Variants in NYAP2 observed in about 807,000 individuals in gnomAD.
NYAP2 encodes neuronal tyrosine-phosphorylated phosphoinositide-3-kinase adaptor 2, also known as neuronal tyrosine-phosphorylated phosphoinositide-3-kinase adapter 2.
In NYAP2, 23 loss-of-function variants were observed where a neutral mutation model predicts 50.4. The ratio of observed to expected loss-of-function variants is 0.46; its 90% CI spans 0.33 to 0.65. The LOEUF (loss-of-function observed/expected upper bound fraction) is 0.65, where lower values mean the gene tolerates loss of function less well. Ranked by LOEUF, NYAP2 falls within the 30% of genes least tolerant of loss-of-function variation. The pLI is 0.02. For synonymous variants in NYAP2, 394 were observed against 365.2 expected (o/e 1.08, Z -0.90); for missense variants, 885 against 861.0 (o/e 1.03, Z -0.35).
chr2:225,471,781 G>A (rs553666404), intron 3 of NYAP2, among the ~76,000 whole-genome samples: 22 of 152,306 alleles, frequency 1.4e-4, no homozygotes, highest in African/African-American at 5.3e-4. Context: ...AATGTGCACA[G>A]CAAATGGCAA....
the NYAP2 span, among the ~76,000 whole-genome samples, chr2:225,675,901 TTAAACA>T: frequency 6.6e-6 from 1 of 152,170 alleles, no homozygotes; most frequent in Non-Finnish European, 1.5e-5. Flanking sequence ...ATTAGCGATC[TTAAACA>T]TTTTTGTATA....
chr2:225,657,103 T>G (rs908075598), downstream of NYAP2, among the ~76,000 whole-genome samples: 3 of 50,268 alleles, frequency 6.0e-5, no homozygotes, highest in Non-Finnish European at 1.2e-4. Context: ...ATCTAATTCC[T>G]TTTTTTTTTT....
At chr2:225,513,746 A>G in intron 4 of NYAP2, 74 bp downstream of exon 4, 6 of 1,229,724 alleles carry the variant, frequency 4.9e-6, no homozygotes, top group Non-Finnish European at 5.4e-6. Context: ...GCCCAGGGGC[A>G]AGTGCCTTCT....
intron 3 of NYAP2, among the ~76,000 whole-genome samples, chr2:225,460,439 GAT>G (rs914186453): frequency 3.3e-5 from 5 of 152,138 alleles, no homozygotes; most frequent in Non-Finnish European, 5.9e-5. Context: ...CACATTTGGT[GAT>G]ATGTTTATTG....
chr2:225,532,459 T>C (rs921273378), intron 4 of NYAP2, among the ~76,000 whole-genome samples: 1 of 152,196 alleles, frequency 6.6e-6, no homozygotes, highest in African/African-American at 2.4e-5. Context: ...TTTTACAATT[T>C]ATTTTTAGCT....
the NYAP2 span, among the ~76,000 whole-genome samples, chr2:225,678,343 T>C: frequency 6.6e-6 from 1 of 152,184 alleles, no homozygotes; most frequent in African/African-American, 2.4e-5. Flanking sequence ...TCTATCAATT[T>C]ATTTATTCTT....
chr2:225,529,351 C>T (rs1157476901), intron 4 of NYAP2, among the ~76,000 whole-genome samples: 1 of 152,052 alleles, frequency 6.6e-6, no homozygotes, highest in East Asian at 1.9e-4. Flanking sequence ...GAGATAGAGT[C>T]TCTCTCTTGT....
intron 6 of NYAP2, among the ~76,000 whole-genome samples, chr2:225,627,363 A>G (rs1693228923): frequency 6.6e-6 from 1 of 152,218 alleles, no homozygotes; most frequent in Non-Finnish European, 1.5e-5. Context: ...GAGCTATGCA[A>G]GATAGCAGCC....
rs752905382 is a variant in NYAP2, at chr2:225,582,077, G to T, written c.660G>T (p.Thr220=). Reference sequence around the variant, plus strand: ...TCAAAAAGCATGGGCCCCGGAGGACGTCGCTGCCGCGGGACTCCTCCTTGT... The same window carrying T: ...TCAAAAAGCATGGGCCCCGGAGGACTTCGCTGCCGCGGGACTCCTCCTTGT... The change falls in exon 5 of 7, where the codon ACG becomes ACT. Residue 220 remains threonine, a synonymous_variant. Transcript: ENST00000636099. The surrounding 1 kb of genome is among the most constrained non-coding windows in gnomAD (Gnocchi z 7.0). The T allele has an allele frequency of 2.7e-5, 44 of 1,614,022 alleles. No individual in the cohort carries two copies. Among genetic ancestry groups the T allele is most frequent in the Non-Finnish European group, 3.6e-5 (42 of 1,179,892 alleles).
chr2:225,602,543 A>G (rs1040307545), intron 5 of NYAP2, among the ~76,000 whole-genome samples: 1 of 152,150 alleles, frequency 6.6e-6, no homozygotes, highest in Non-Finnish European at 1.5e-5. Context: ...CTCCTCTCTC[A>G]TAATGTCATG....
At chr2:225,573,472 G>A (rs1246085289) in intron 4 of NYAP2, among the ~76,000 whole-genome samples, 4 of 151,820 alleles carry the variant, frequency 2.6e-5, no homozygotes, top group South Asian at 4.2e-4. Context: ...GGCTGGTCTC[G>A]AACTTATGAC....
At chr2:225,460,687 C>A (rs552204465) in intron 3 of NYAP2, among the ~76,000 whole-genome samples, 7 of 152,260 alleles carry the variant, frequency 4.6e-5, no homozygotes, top group Non-Finnish European at 1.0e-4. Context: ...GCTAGACCAT[C>A]GCTTTGGAAT....
intron 5 of NYAP2, among the ~76,000 whole-genome samples, chr2:225,614,833 G>A (rs1219055435): frequency 6.6e-6 from 1 of 152,184 alleles, no homozygotes; most frequent in Non-Finnish European, 1.5e-5. Context: ...AACTGCTATT[G>A]CAAACAATTC....
At chr2:225,613,958 G>T (rs1184230977) in intron 5 of NYAP2, among the ~76,000 whole-genome samples, 1 of 152,116 alleles carries the variant, frequency 6.6e-6, no homozygotes, top group Non-Finnish European at 1.5e-5. Context: ...AACTAATATT[G>T]TTGAAGCCTC....
At chr2:225,547,652 G>A (rs755611439) in intron 4 of NYAP2, among the ~76,000 whole-genome samples, 2 of 152,152 alleles carry the variant, frequency 1.3e-5, no homozygotes, top group Non-Finnish European at 2.9e-5. Flanking sequence ...CCAAGTCCAC[G>A]GATTCTTCAT....
At chr2:225,451,089 T>C (rs1240447567) in intron 3 of NYAP2, among the ~76,000 whole-genome samples, 1 of 152,020 alleles carries the variant, frequency 6.6e-6, no homozygotes, top group Non-Finnish European at 1.5e-5. Flanking sequence ...AAGAGAATAA[T>C]TTTCAAAAAT....
intron 4 of NYAP2, among the ~76,000 whole-genome samples, chr2:225,550,809 G>A (rs1040803947): frequency 1.3e-5 from 2 of 152,152 alleles, no homozygotes; most frequent in Non-Finnish European, 2.9e-5. Flanking sequence ...TGATGAGATT[G>A]GAGCTTTTTC....
At chr2:225,537,563 G>T (rs1401097059) in intron 4 of NYAP2, among the ~76,000 whole-genome samples, 1 of 152,090 alleles carries the variant, frequency 6.6e-6, no homozygotes, top group Non-Finnish European at 1.5e-5. Flanking sequence ...CATGATAATG[G>T]CATGGGAAAG....
At chr2:225,701,184 G>A in the NYAP2 span, 2 of 151,780 alleles carry the variant, frequency 1.3e-5, no homozygotes, top group Non-Finnish European at 2.9e-5. Context: ...TTCTCTAAAT[G>A]GAGAAAAGGA....
Sources: allele counts gnomAD v4.1 joint callset (sites outside exome capture counted in the v4.1 genomes callset), GRCh38; gene constraint gnomAD v4.1.1; non-coding constraint Gnocchi (gnomAD v3.1); transcripts MANE v1.5; gene names NCBI Gene and HGNC (gene_info 2026-07-23, HGNC 2026-07-21).